The following PTGES3L variants were observed in gnomAD, a reference collection of about 807,000 sequenced individuals.
The protein encoded by PTGES3L is putative protein PTGES3L.
In PTGES3L, 17 loss-of-function variants were observed where a neutral mutation model predicts 25.0. The ratio of observed to expected loss-of-function variants is 0.68; its 90% CI spans 0.47 to 1.02. The LOEUF is 1.02. Among genes scored for constraint, PTGES3L ranks in the 50% least tolerant of loss-of-function variants. PTGES3L has a pLI of 0.00. For synonymous variants in PTGES3L, 59 were observed against 65.7 expected, an observed-to-expected ratio of 0.90 and a Z score of 0.50; for missense variants, 202 against 197.5, an observed-to-expected ratio of 1.02 and a Z score of -0.14.
At chr17:42,975,865 C>G (rs533198151) in intron 4 of PTGES3L, among the ~76,000 whole-genome samples, 2 of 151,826 alleles carry the variant, frequency 1.3e-5, no homozygotes, top group South Asian at 4.2e-4. Flanking sequence ...TTAGTAGAGA[C>G]GGGGTTTCAC....
rs960694583 is a variant in PTGES3L at position 42,968,663 on chromosome 17, G to C, written c.*485C>G. ...GGGCAAGAGGAAGCACCCCAGCTTG[G>C]TTACTAGAGGGAGAAGAGGCTTGCC... On this transcript the variant is annotated 3_prime_UTR_variant, in exon 7 of 7. Transcript: ENST00000591916. The C allele has an allele frequency of 6.5e-6, 1 of 153,280 alleles. No individual in the cohort carries two copies. The highest frequency in any genetic ancestry group is 6.5e-5 in the Admixed American group (1 of 15,308). The allele number at this position is 153,280 out of a possible 1,614,324, so 9.5% of individuals were successfully genotyped here.
chr17:42,969,289 T>C (rs1157940340), intron 6 of PTGES3L, 103 bp from the exon 7 acceptor site: 1 of 695,884 alleles, frequency 1.4e-6, no homozygotes, highest in Non-Finnish European at 2.3e-6. Context: ...TCCAAGTTTC[T>C]TTTTGTGATT....
chr17:42,969,865 G>A (rs543195488), intron 6 of PTGES3L, among the ~76,000 whole-genome samples: 4 of 151,698 alleles, frequency 2.6e-5, no homozygotes, highest in East Asian at 2.0e-4. Context: ...GGTGGCTCAC[G>A]CCTGTAATCC....
At chr17:42,975,183 G>C (rs1365340567) in intron 4 of PTGES3L, among the ~76,000 whole-genome samples, 1 of 151,166 alleles carries the variant, frequency 6.6e-6, no homozygotes, top group Non-Finnish European at 1.5e-5. Flanking sequence ...CAGCCACTTG[G>C]AAGCAAGCTG....
rs2049775776 is a variant in PTGES3L at position 42,968,695 on chromosome 17, A to C, written c.*453T>G. 1 of 154,160 alleles carries C rather than the reference A, an allele frequency of 6.5e-6. No homozygotes were observed. Among genetic ancestry groups the C allele is most frequent in the South Asian group, 2.1e-4 (1 of 4,878 alleles). 9.5% of individuals were successfully genotyped at this position (154,160 alleles called of 1,614,324 possible). ...GAGGGAGAAGAGGCTTGCCACCAGG[A>C]GGAATAAGTACAAGAAGGAAACAGA... On this transcript the variant is annotated 3_prime_UTR_variant, in exon 7 of 7. Coordinates refer to ENST00000591916, the MANE Select transcript of PTGES3L (RefSeq NM_001261430.2).
At chr17:42,977,633 GAAAGAA>G (rs1359154055) in intron 4 of PTGES3L, among the ~76,000 whole-genome samples, 9 of 2,182 alleles carry the variant, frequency 4.1e-3, no homozygotes, top group South Asian at 0.17. Context: ...AGAAGAAAAA[GAAAGAA>G]AGAGAGAGAG....
Position 42,977,783 on chromosome 17 carries a change from C to T in PTGES3L, c.288+1387G>A, listed in dbSNP as rs117428813. On this transcript the variant is annotated intron_variant, in intron 4 of 6. Coordinates refer to ENST00000591916, the MANE Select transcript of PTGES3L (RefSeq NM_001261430.2). ...ACTTCTGGGACTGGAATATAGAAAA[C>T]AAGAATTGGCAGAGGCCGGGTGCAG... Among the ~76,000 whole-genome samples, 752 of 151,880 alleles carry T rather than the reference C, an allele frequency of 5.0e-3. 16 individuals carry two copies. In the East Asian group the frequency reaches 0.063, roughly 13 times the overall value.
intron 6 of PTGES3L, 130 bp downstream of exon 6, chr17:42,970,159 G>T: frequency 1.8e-6 from 2 of 1,109,486 alleles, no homozygotes; most frequent in Non-Finnish European, 2.6e-6. Flanking sequence ...AGCCCTCTTG[G>T]GTCAAACTCA....
intron 5 of PTGES3L, among the ~76,000 whole-genome samples, chr17:42,970,726 G>C (rs1183216353): frequency 7.3e-6 from 1 of 136,836 alleles, no homozygotes; most frequent in African/African-American, 3.1e-5. Flanking sequence ...ACAGAGGCCG[G>C]GTTTGGTGGC....
At position 42,968,974 on chromosome 17, in the gene PTGES3L, C is replaced by T; in HGVS notation, c.*174G>A. ...CTGATGTGGAGCCATAGTCAAGTGC[C>T]TAGGAGGAAGACAAGCTTGAAGGAC... On this transcript the variant is annotated 3_prime_UTR_variant, in exon 7 of 7. Transcript: ENST00000591916. The T allele has an allele frequency of 1.8e-6, 1 of 567,548 alleles. No individual in the cohort carries two copies. The highest frequency in any genetic ancestry group is 3.2e-6 in the Non-Finnish European group (1 of 317,134). 35.2% of individuals were successfully genotyped at this position (567,548 alleles called of 1,614,324 possible). A position where few individuals can be genotyped will look rare whatever the true frequency, so the allele number is the denominator to read the frequency against.
intron 5 of PTGES3L, 93 bp from the exon 6 acceptor site, chr17:42,970,435 A>C: frequency 7.0e-7 from 1 of 1,424,572 alleles, no homozygotes. Context: ...TTGCAGCCAG[A>C]ACTGGTCAGG....
At chr17:42,969,758 T>C (rs2049799060) in intron 6 of PTGES3L, among the ~76,000 whole-genome samples, 1 of 151,966 alleles carries the variant, frequency 6.6e-6, no homozygotes, top group Admixed American at 6.6e-5. Flanking sequence ...AGGTCTTCTC[T>C]AGGATGGAGA....
At position 42,969,189 on chromosome 17, in the gene PTGES3L, G is replaced by GT. The variant is rs2049785668; in HGVS notation, c.433-4_433-3insA. On this transcript the variant is annotated splice_polypyrimidine_tract_variant and splice_region_variant and intron_variant, in intron 6 of 6. Coordinates refer to ENST00000591916, the MANE Select transcript of PTGES3L (RefSeq NM_001261430.2). Reference sequence around the variant, plus strand: ...TCATCAGCACTGTCAGAATCATCCTGGGGGCGGGGGGGAAAAAAGACAAAG... The same window carrying GT: ...TCATCAGCACTGTCAGAATCATCCTGTGGGGCGGGGGGGAAAAAAGACAAAG... 3 of 792,294 alleles carry GT rather than the reference G, an allele frequency of 3.8e-6. No individual in the cohort carries two copies. The highest frequency in any genetic ancestry group is 5.3e-6 in the Non-Finnish European group (3 of 569,902). The allele number at this position is 792,294 out of a possible 1,614,324, so 49.1% of individuals were successfully genotyped here. A position where few individuals can be genotyped will look rare whatever the true frequency, so the allele number is the denominator to read the frequency against.
intron 5 of PTGES3L, 109 bp downstream of exon 5, chr17:42,971,498 G>A: frequency 2.5e-6 from 3 of 1,185,914 alleles, no homozygotes; most frequent in Non-Finnish European, 2.4e-6. Flanking sequence ...CCTGCCTAGA[G>A]AGCTTGCATA....
At chr17:42,979,844 G>T in intron 1 of PTGES3L, 181 bp from the exon 2 acceptor site, 2 of 1,439,940 alleles carry the variant, frequency 1.4e-6, no homozygotes, top group Non-Finnish European at 9.2e-7. Context: ...TGTGAACCTG[G>T]GAAGAATAGA....
At chr17:42,976,530 C>T (rs992970192) in intron 4 of PTGES3L, among the ~76,000 whole-genome samples, 2 of 152,122 alleles carry the variant, frequency 1.3e-5, no homozygotes, top group Non-Finnish European at 2.9e-5. Context: ...AGACATGCGC[C>T]ACCACACCCA....
chr17:42,977,423 C>A (rs2049974034), intron 4 of PTGES3L, among the ~76,000 whole-genome samples: 2 of 18,552 alleles, frequency 1.1e-4, no homozygotes, highest in Non-Finnish European at 3.9e-4. Flanking sequence ...GAGACTCTAT[C>A]TCAAAAAAAA....
chr17:42,978,077 C>CAAAAAA (rs368420097), intron 4 of PTGES3L, among the ~76,000 whole-genome samples: 2,282 of 47,354 alleles, frequency 0.048, 330 homozygotes, highest in Middle Eastern at 0.067. Context: ...AACTCCGAAT[C>CAAAAAA]AAAAAAAAAA....
At position 42,971,319 on chromosome 17, in the gene PTGES3L, A is replaced by G. The variant is rs145807164; in HGVS notation, c.378+288T>C. 2.6e-5 allele frequency among the ~76,000 whole-genome samples: 4 copies of G among 152,138 alleles called. No individual in the cohort carries two copies. The East Asian group carries it at 7.7e-4, about 29-fold the overall frequency. On this transcript the variant is annotated intron_variant, in intron 5 of 6. Coordinates refer to ENST00000591916, the MANE Select transcript of PTGES3L (RefSeq NM_001261430.2). ...ACACACACACACAGAAAACAGTAGA[A>G]CAAGAATTACAGAAAAGTGGAAAAA...
Sources: gnomAD v4.1 joint callset for allele counts (sites outside exome capture counted in the v4.1 genomes callset) on GRCh38, gnomAD v4.1.1 for gene constraint, MANE v1.5 for transcripts, NCBI Gene and HGNC (gene_info 2026-07-23, HGNC 2026-07-21) for gene names.